NT5C3A: variants seen among roughly 807,000 people sequenced by gnomAD.
The protein encoded by NT5C3A is 5'-nucleotidase, cytosolic IIIA, also known as cytosolic 5'-nucleotidase 3A.
A neutral mutation model predicts 40.0 loss-of-function variants in NT5C3A; 23 were observed. That is an observed-to-expected ratio of 0.58 (90% CI 0.41 to 0.81). The LOEUF (loss-of-function observed/expected upper bound fraction) is 0.81, where lower values mean the gene tolerates loss of function less well. Among genes scored for constraint, NT5C3A ranks in the 40% least tolerant of loss-of-function variants. The pLI is 0.00. For synonymous variants in NT5C3A, 130 were observed against 141.4 expected, an observed-to-expected ratio of 0.92 and a Z score of 0.57; for missense variants, 328 against 403.0, an observed-to-expected ratio of 0.81 and a Z score of 1.59.
At chr7:33,044,146 G>A (rs7801701) in intron 1 of NT5C3A, among the ~76,000 whole-genome samples, 109,906 of 151,664 alleles carry the variant, frequency 0.72, 40,088 homozygotes, top group African/African-American at 0.79. Flanking sequence ...TCCTGCCTCA[G>A]CCTTCCTGAG....
intron 2 of NT5C3A, among the ~76,000 whole-genome samples, chr7:33,025,878 G>A (rs983428905): frequency 7.9e-5 from 12 of 152,048 alleles, no homozygotes; most frequent in African/African-American, 2.9e-4. Flanking sequence ...TGAATGAGTC[G>A]GCTTTAACAT....
intron 5 of NT5C3A, 99 bp downstream of exon 5, chr7:33,021,173 G>A: frequency 6.7e-7 from 1 of 1,493,948 alleles, no homozygotes; most frequent in East Asian, 2.3e-5. Flanking sequence ...TTATTAATCT[G>A]TTTGTTTGCA....
chr7:33,015,787 A>G lies in NT5C3A; in HGVS notation c.777T>C (p.Asn259=). ...DGALRNTEYF[N]QLKDNSNIIL... Reference sequence around the variant, plus strand: ...TTATGTTACTATTGTCTTTTAGTTGATTGAAATATTCTGTATTCCTCAAGG... The same window carrying G: ...TTATGTTACTATTGTCTTTTAGTTGGTTGAAATATTCTGTATTCCTCAAGG... Residue 259 remains asparagine, a synonymous_variant, in exon 8 of 9, where the codon AAT becomes AAC. Transcript: ENST00000610140. 13 of 1,609,776 alleles carry G rather than the reference A, an allele frequency of 8.1e-6. No homozygotes were observed. Among genetic ancestry groups the G allele is most frequent in the Non-Finnish European group, 8.5e-6 (10 of 1,176,060 alleles).
chr7:33,053,565 G>GC (rs1189727873), intron 1 of NT5C3A, among the ~76,000 whole-genome samples: 6 of 151,392 alleles, frequency 4.0e-5, no homozygotes, highest in African/African-American at 1.2e-4. Flanking sequence ...GGAGGCTGAG[G>GC]GGGGAAGACG....
intron 1 of NT5C3A, chr7:33,029,756 A>G (rs1166952352): frequency 1.7e-6 from 2 of 1,203,936 alleles, no homozygotes; most frequent in Non-Finnish European, 2.2e-6. Context: ...TTATAGAGAT[A>G]AGGTCTTGCT....
intron 1 of NT5C3A, among the ~76,000 whole-genome samples, chr7:33,034,048 G>A (rs531099139): frequency 6.6e-5 from 10 of 151,610 alleles, no homozygotes; most frequent in South Asian, 4.2e-4. Context: ...CCGCCACCAC[G>A]CCTGGATAAT....
chr7:33,023,552 C>A (rs762569795), intron 3 of NT5C3A, among the ~76,000 whole-genome samples: 10 of 152,112 alleles, frequency 6.6e-5, no homozygotes, highest in Non-Finnish European at 1.0e-4. Flanking sequence ...AGTGACCGCA[C>A]CCAGCCCCAA....
chr7:33,057,479 A>C (rs1787615838), intron 1 of NT5C3A, among the ~76,000 whole-genome samples: 1 of 152,058 alleles, frequency 6.6e-6, no homozygotes, highest in Non-Finnish European at 1.5e-5. Context: ...CTGAGATTCA[A>C]CCACTGCACT....
chr7:33,040,953 T>C lies in NT5C3A; in HGVS notation c.139-14038A>G, dbSNP rs1786884706. ...GTACTAATATAGCACAAGGTGCAAC[T>C]GAGGGCGGTTCCAAAAGCCTTGACT... On this transcript the variant is annotated intron_variant, in intron 1 of 8. Transcript: ENST00000610140. 4 of 985,328 alleles carry C rather than the reference T, an allele frequency of 4.1e-6. No homozygotes were observed. In the Admixed American group the frequency reaches 1.8e-4, roughly 45 times the overall value. The allele number at this position is 985,328 out of a possible 1,614,324, so 61.0% of individuals were successfully genotyped here.
chr7:33,039,597 G>C (rs1786815109), intron 1 of NT5C3A, among the ~76,000 whole-genome samples: 1 of 86,054 alleles, frequency 1.2e-5, no homozygotes, highest in Non-Finnish European at 2.2e-5. Context: ...GTCTTCGGGT[G>C]ATTAGCACAT....
At chr7:33,029,543 T>A in intron 1 of NT5C3A, 2 of 666,826 alleles carry the variant, frequency 3.0e-6, no homozygotes, top group South Asian at 3.0e-5. Context: ...TCCATTATGG[T>A]GAAAGCAACA....
chr7:33,047,336 C>T (rs1787195289), intron 1 of NT5C3A, among the ~76,000 whole-genome samples: 1 of 152,226 alleles, frequency 6.6e-6, no homozygotes, highest in East Asian at 1.9e-4. Flanking sequence ...ACTTACTACC[C>T]TTCCTTCTTA....
chr7:33,023,925 T>G, intron 3 of NT5C3A, 114 bp downstream of exon 3: 1 of 710,536 alleles, frequency 1.4e-6, no homozygotes, highest in Non-Finnish European at 2.5e-6. Context: ...GTCTCCTCAC[T>G]GTCAATGTCC....
At chr7:33,017,881 A>C (rs1269299542) in intron 6 of NT5C3A, among the ~76,000 whole-genome samples, 2 of 152,216 alleles carry the variant, frequency 1.3e-5, no homozygotes, top group Non-Finnish European at 2.9e-5. Flanking sequence ...CACAATTTAT[A>C]CCATTTAAAA....
intron 1 of NT5C3A, among the ~76,000 whole-genome samples, chr7:33,034,546 T>G (rs1786475417): frequency 6.6e-6 from 1 of 152,190 alleles, no homozygotes; most frequent in South Asian, 2.1e-4. Context: ...AATCCTTCAA[T>G]GGATAGAAAG....
chr7:33,057,594 C>A (rs368265197), intron 1 of NT5C3A, among the ~76,000 whole-genome samples: 1 of 152,026 alleles, frequency 6.6e-6, no homozygotes, highest in Non-Finnish European at 1.5e-5. Flanking sequence ...TTTAAAAAAA[C>A]CACATCAGCT....
rs1232717861 is a variant in NT5C3A, at chr7:33,021,300, C to G, written c.412G>C (p.Glu138Gln). 1 of 1,612,192 alleles carries G rather than the reference C, an allele frequency of 6.2e-7. No individual in the cohort carries two copies. Among genetic ancestry groups the G allele is most frequent in the Non-Finnish European group, 8.5e-7 (1 of 1,178,856 alleles). ...AIEVDPVLTVEEKYPYMVEWY... is the reference protein window; with the variant it reads ...AIEVDPVLTVQEKYPYMVEWY... Reference sequence around the variant, plus strand: ...TCCACCATATAAGGGTACTTCTCTTCTACAGTAAGAACAGGATCAACTTCA... The same window carrying G: ...TCCACCATATAAGGGTACTTCTCTTGTACAGTAAGAACAGGATCAACTTCA... The change falls in exon 5 of 9, where the codon GAA becomes CAA. Residue 138 changes from glutamate to glutamine, a missense_variant. This residue lies in a region of NT5C3A where 280 missense variants were observed against 317.2 expected (regional missense o/e 0.88). Transcript: ENST00000610140.
intron 1 of NT5C3A, among the ~76,000 whole-genome samples, chr7:33,058,952 G>A (rs1402655230): frequency 1.3e-5 from 2 of 152,162 alleles, no homozygotes; most frequent in African/African-American, 2.4e-5. Context: ...TAGCCTTTCA[G>A]ACCAACTTCT....
chr7:33,027,318 T>C (rs1308037806), intron 1 of NT5C3A, among the ~76,000 whole-genome samples: 1 of 152,180 alleles, frequency 6.6e-6, no homozygotes. Context: ...AATCCTCCCA[T>C]CTTGGCCTTC....
Sources: allele counts gnomAD v4.1 joint callset (sites outside exome capture counted in the v4.1 genomes callset), GRCh38; gene constraint gnomAD v4.1.1; regional missense constraint gnomAD v4.1.1; transcripts MANE v1.5; gene names NCBI Gene and HGNC (gene_info 2026-07-23, HGNC 2026-07-21).